Variants in GLI3 observed in about 807,000 individuals in gnomAD.
GLI3 encodes the protein GLI family zinc finger 3.
In GLI3, 20 loss-of-function variants were observed where a neutral mutation model predicts 100.8. The ratio of observed to expected loss-of-function variants is 0.20; its 90% CI spans 0.14 to 0.29. GLI3 has a LOEUF of 0.29. Ranked by LOEUF, GLI3 falls within the 10% of genes least tolerant of loss-of-function variation. GLI3 has a pLI of 1.00. For synonymous variants in GLI3, 938 were observed against 860.5 expected, an observed-to-expected ratio of 1.09 and a Z score of -1.58; for missense variants, 2,040 against 2,128.5, an observed-to-expected ratio of 0.96 and a Z score of 0.82.
intron 10 of GLI3, among the ~76,000 whole-genome samples, chr7:42,004,530 A>G (rs182283849): frequency 2.0e-3 from 305 of 152,292 alleles, no homozygotes; most frequent in Admixed American, 3.5e-3. Context: ...ATACAGAAAA[A>G]AACTTCCTAC....
At chr7:42,022,510 C>CAGG (rs1788973724) in intron 10 of GLI3, among the ~76,000 whole-genome samples, 1 of 152,032 alleles carries the variant, frequency 6.6e-6, no homozygotes, top group Non-Finnish European at 1.5e-5. Flanking sequence ...AGAGAGAGAG[C>CAGG]AGGAGGAGGG....
At chr7:42,053,978 C>A (rs570212662) in intron 4 of GLI3, among the ~76,000 whole-genome samples, 36 of 152,266 alleles carry the variant, frequency 2.4e-4, no homozygotes, top group Middle Eastern at 6.8e-3. Flanking sequence ...TGTGTCTTGG[C>A]TCCTGTATGC....
intron 3 of GLI3, among the ~76,000 whole-genome samples, chr7:42,093,343 C>T (rs1785268469): frequency 6.7e-6 from 1 of 148,620 alleles, no homozygotes; most frequent in Non-Finnish European, 1.5e-5. Flanking sequence ...CGCCCTATTG[C>T]ACTCCAGCCT....
At chr7:42,207,687 AGAGTGGTTCAT>A (rs1191997360) in intron 2 of GLI3, among the ~76,000 whole-genome samples, 1 of 152,232 alleles carries the variant, frequency 6.6e-6, no homozygotes, top group East Asian at 1.9e-4. Context: ...AAGTTGGAGA[AGAGTGGTTCAT>A]GACACAGAAA....
At chr7:42,118,278 A>G (rs1313400457) in intron 3 of GLI3, 1 of 398,602 alleles carries the variant, frequency 2.5e-6, no homozygotes, top group Non-Finnish European at 4.4e-6. Context: ...TCAGAGTCCT[A>G]ACTATGGACT....
intron 13 of GLI3, among the ~76,000 whole-genome samples, chr7:41,970,831 G>T (rs1464578087): frequency 6.6e-6 from 1 of 152,184 alleles, no homozygotes; most frequent in African/African-American, 2.4e-5. Flanking sequence ...TTAAACACGT[G>T]AGGATAAACC....
chr7:42,007,318 A>G (rs1207122179), intron 10 of GLI3, among the ~76,000 whole-genome samples: 1 of 152,120 alleles, frequency 6.6e-6, no homozygotes, highest in African/African-American at 2.4e-5. Flanking sequence ...AGCCAAGTTA[A>G]AAGTTCTTAT....
At chr7:42,063,718 T>C (rs1438679695) in intron 4 of GLI3, among the ~76,000 whole-genome samples, 1 of 152,200 alleles carries the variant, frequency 6.6e-6, no homozygotes, top group Non-Finnish European at 1.5e-5. Context: ...CAAATACCTA[T>C]GCTGTGACAG....
At chr7:42,193,380 C>T (rs1787866567) in intron 2 of GLI3, among the ~76,000 whole-genome samples, 1 of 152,068 alleles carries the variant, frequency 6.6e-6, no homozygotes, top group Admixed American at 6.6e-5. Flanking sequence ...CCCTTTCCTC[C>T]TGCCTGTGAA....
intron 10 of GLI3, among the ~76,000 whole-genome samples, chr7:42,022,648 A>G (rs1355056792): frequency 6.6e-6 from 1 of 152,190 alleles, no homozygotes; most frequent in Non-Finnish European, 1.5e-5. Context: ...TTTATTCTCG[A>G]TCATCTAAAT....
intron 2 of GLI3, among the ~76,000 whole-genome samples, chr7:42,222,093 G>A (rs976779236): frequency 6.6e-6 from 1 of 152,198 alleles, no homozygotes; most frequent in Non-Finnish European, 1.5e-5. Context: ...CCAGAGAGAA[G>A]TGGCCAGGCT....
chr7:42,148,135 G>GCACACACA (rs34148485), intron 3 of GLI3, 91 bp downstream of exon 3: 207 of 867,386 alleles, frequency 2.4e-4, no homozygotes, highest in Non-Finnish European at 3.0e-4. Flanking sequence ...CATAAAGCGC[G>GCACACACA]CACACACACA....
At chr7:42,227,192 C>T (rs1385661970) in intron 1 of GLI3, among the ~76,000 whole-genome samples, 1 of 152,094 alleles carries the variant, frequency 6.6e-6, no homozygotes, top group African/African-American at 2.4e-5. Context: ...CTTACGACTC[C>T]ACACTGTTCT....
At chr7:42,224,162 A>G (rs1436147890) in intron 1 of GLI3, among the ~76,000 whole-genome samples, 1 of 152,192 alleles carries the variant, frequency 6.6e-6, no homozygotes, top group African/African-American at 2.4e-5. Flanking sequence ...CATGTTCTAC[A>G]CCTACAAAGA....
chr7:42,086,939 C>T (rs996824344), intron 3 of GLI3, among the ~76,000 whole-genome samples: 17 of 152,174 alleles, frequency 1.1e-4, no homozygotes, highest in Admixed American at 5.2e-4. Flanking sequence ...GCACACCACA[C>T]TGCCTTTCCT....
chr7:42,137,070 T>C (rs1289849080), intron 3 of GLI3, among the ~76,000 whole-genome samples: 4 of 152,210 alleles, frequency 2.6e-5, no homozygotes, highest in Non-Finnish European at 5.9e-5. Flanking sequence ...AGGTCTCAGT[T>C]TCCTCATATG....
At chr7:42,135,999 T>C (rs984689080) in intron 3 of GLI3, among the ~76,000 whole-genome samples, 3 of 152,214 alleles carry the variant, frequency 2.0e-5, no homozygotes, top group Non-Finnish European at 4.4e-5. Context: ...TTTGCAGCCC[T>C]GTGTAGAACC....
chr7:42,189,330 A>C (rs2128687123), intron 2 of GLI3, among the ~76,000 whole-genome samples: 1 of 152,346 alleles, frequency 6.6e-6, no homozygotes, highest in East Asian at 1.9e-4. Flanking sequence ...ACACATTCAC[A>C]CAACAGGGAG....
intron 10 of GLI3, among the ~76,000 whole-genome samples, chr7:42,017,599 C>G (rs560242126): frequency 1.3e-5 from 2 of 152,184 alleles, no homozygotes; most frequent in Non-Finnish European, 2.9e-5. Flanking sequence ...GTTTACCATC[C>G]CTGTCCTAAG....
Sources: gnomAD v4.1 joint callset for allele counts (sites outside exome capture counted in the v4.1 genomes callset) on GRCh38, gnomAD v4.1.1 for gene constraint, MANE v1.5 for transcripts, NCBI Gene and HGNC (gene_info 2026-07-23, HGNC 2026-07-21) for gene names.